Variants in MYOCD observed in about 807,000 individuals in gnomAD.
The protein encoded by MYOCD is myocardin.
Under a neutral mutation model 96.1 loss-of-function variants are expected in MYOCD, and 32 were observed. That is an observed-to-expected ratio of 0.33 (90% CI 0.25 to 0.45). MYOCD has a LOEUF of 0.45. Among genes scored for constraint, MYOCD ranks in the 20% least tolerant of loss-of-function variants. The pLI, the probability that MYOCD is intolerant of heterozygous loss-of-function variation, is 1.00. For synonymous variants in MYOCD, 469 were observed against 469.0 expected (o/e 1.00, Z 0.00); for missense variants, 1,133 against 1,200.6 (o/e 0.94, Z 0.83).
chr17:12,742,929 A>G lies in MYOCD; in HGVS notation c.718-1254A>G, dbSNP rs77394927. 6.4e-3 allele frequency among the ~76,000 whole-genome samples: 974 copies of G among 152,228 alleles called. 16 individuals carry two copies. Among genetic ancestry groups the G allele is most frequent in the East Asian group, 0.038 (194 of 5,162 alleles). On this transcript the variant is annotated intron_variant, in intron 7 of 13. Transcript: ENST00000425538. ...ATGGACCCATTCCTTCCTAATATAC[A>G]AAGGTCTTTTATTTCAGGAGCAGGT... is the stretch of plus-strand genomic sequence containing the variant.
At position 12,760,658 on chromosome 17, in the gene MYOCD, C is replaced by G. The variant is rs1464241946; in HGVS notation, c.2340C>G (p.Thr780=). The part of the protein sequence containing the change: ...SYEDAVKQQM[T]RSQQMDELLD... Reference sequence around the variant, plus strand: ...TGGTTAATTTGTAATAGCAAATGACCCGGAGTCAGCAGATGGATGAACTCC... The same window carrying G: ...TGGTTAATTTGTAATAGCAAATGACGCGGAGTCAGCAGATGGATGAACTCC... Residue 780 remains threonine, a synonymous_variant, in exon 13 of 14, where the codon ACC becomes ACG. Coordinates refer to ENST00000425538, the MANE Select transcript of MYOCD (RefSeq NM_001146312.3). The G allele has an allele frequency of 6.2e-7, 1 of 1,613,646 alleles. No individual in the cohort carries two copies. The highest frequency in any genetic ancestry group is 8.5e-7 in the Non-Finnish European group (1 of 1,179,730).
At chr17:12,686,146 G>A (rs1326672759) in intron 1 of MYOCD, among the ~76,000 whole-genome samples, 1 of 152,156 alleles carries the variant, frequency 6.6e-6, no homozygotes, top group Admixed American at 6.5e-5. Context: ...GGAAAAACTT[G>A]AGATTAAGAG....
chr17:12,753,301 G>A lies in MYOCD; in HGVS notation c.2013G>A (p.Gly671=). 1 of 1,611,636 alleles carries A rather than the reference G, an allele frequency of 6.2e-7. No homozygotes were observed. Among genetic ancestry groups the A allele is most frequent in the Admixed American group, 1.7e-5 (1 of 59,848 alleles). ...LPSSSGAQGE[G]HRVSSPISSQ... ...CATCCTCCGGGGCCCAGGGAGAAGG[G>A]CACAGGGTCTCCTCGCCCATCAGCA... Residue 671 remains glycine (G), a synonymous_variant, in exon 10 of 14, where the codon GGG becomes GGA. Transcript: ENST00000425538.
At chr17:12,748,736 T>C (rs2150715402) in intron 9 of MYOCD, among the ~76,000 whole-genome samples, 1 of 152,288 alleles carries the variant, frequency 6.6e-6, no homozygotes, top group East Asian at 1.9e-4. Flanking sequence ...TAAAAATAAA[T>C]GTAGAACTCA....
chr17:12,715,355 G>A (rs2031607237), intron 2 of MYOCD, among the ~76,000 whole-genome samples, 164 bp from the exon 3 acceptor site: 1 of 152,004 alleles, frequency 6.6e-6, no homozygotes, highest in Non-Finnish European at 1.5e-5. Flanking sequence ...ACGGCTTCAG[G>A]GCCGCTGGTG....
intron 2 of MYOCD, among the ~76,000 whole-genome samples, chr17:12,711,145 A>G (rs2031470169): frequency 6.6e-6 from 1 of 152,194 alleles, no homozygotes; most frequent in South Asian, 2.1e-4. Context: ...ATTTATTTCC[A>G]AGCATAAAAG....
chr17:12,758,228 T>C lies in MYOCD; in HGVS notation c.2331+15T>C. 1 of 1,614,132 alleles carries C rather than the reference T, an allele frequency of 6.2e-7. No individual in the cohort carries two copies. Among genetic ancestry groups the C allele is most frequent in the Non-Finnish European group, 8.5e-7 (1 of 1,179,958 alleles). On this transcript the variant is annotated intron_variant, in intron 12 of 13. Transcript: ENST00000425538. ...CCGTAAAGCAGGTAACCATGTGATTTGTTCTTTATGGAAGAATAGACTGAC... is the reference window on the plus strand; with the variant it reads ...CCGTAAAGCAGGTAACCATGTGATTCGTTCTTTATGGAAGAATAGACTGAC...
At chr17:12,760,881 G>A (rs1337755856) in intron 13 of MYOCD, 174 bp downstream of exon 13, 1 of 587,546 alleles carries the variant, frequency 1.7e-6, no homozygotes, top group East Asian at 2.8e-5. Context: ...ATAAAAGAAG[G>A]CTTAGTGGAT....
chr17:12,748,177 AAC>A (rs1163747465), intron 9 of MYOCD, among the ~76,000 whole-genome samples: 76 of 148,912 alleles, frequency 5.1e-4, no homozygotes, highest in African/African-American at 1.6e-3. Flanking sequence ...AAAAAAAAAA[AAC>A]AAAAAAACAA....
Position 12,744,173 on chromosome 17 carries a change from T to C in MYOCD, c.718-10T>C, listed in dbSNP as rs12709295. On this transcript the variant is annotated splice_polypyrimidine_tract_variant and intron_variant, in intron 7 of 13. Transcript: ENST00000425538. ...CTAAAGCACATGCAATTTCCTCATC[T>C]TCTTTGCAGTCCAAATCCTTGGGTG... is the stretch of plus-strand genomic sequence containing the variant. 1,344,017 of 1,612,934 alleles carry C rather than the reference T, an allele frequency of 0.83. 562,590 individuals are homozygous for C. Among genetic ancestry groups the C allele is most frequent in the Non-Finnish European group, 0.86 (1,009,904 of 1,179,420 alleles).
chr17:12,760,580 C>T, intron 12 of MYOCD, 70 bp from the exon 13 acceptor site: 3 of 1,307,730 alleles, frequency 2.3e-6, no homozygotes, highest in Non-Finnish European at 3.3e-6. Context: ...TGCAGTGCTG[C>T]TTCTAATGAT....
chr17:12,712,914 A>G lies in MYOCD; in HGVS notation c.122-2605A>G, dbSNP rs77980499. Among the ~76,000 whole-genome samples the G allele has an allele frequency of 4.7e-4, 72 of 152,292 alleles. No individual in the cohort carries two copies. In the East Asian group the frequency reaches 0.01, roughly 22 times the overall value. On this transcript the variant is annotated intron_variant, in intron 2 of 13. Coordinates refer to ENST00000425538, the MANE Select transcript of MYOCD (RefSeq NM_001146312.3). Reference sequence around the variant, plus strand: ...AGAAGTGGTTTTTTGTGTATTTTCCAAAAACCCAACTGAGAGGTGGGGGGC... The same window carrying G: ...AGAAGTGGTTTTTTGTGTATTTTCCGAAAACCCAACTGAGAGGTGGGGGGC...
chr17:12,716,098 C>A (rs2031631476), intron 3 of MYOCD, among the ~76,000 whole-genome samples: 1 of 152,146 alleles, frequency 6.6e-6, no homozygotes, highest in African/African-American at 2.4e-5. Context: ...ATCTCTGCAA[C>A]TTGAATTTGT....
At chr17:12,672,989 G>C (rs761249874) in intron 1 of MYOCD, among the ~76,000 whole-genome samples, 1 of 152,104 alleles carries the variant, frequency 6.6e-6, no homozygotes, top group Non-Finnish European at 1.5e-5. Flanking sequence ...TGGTACGAAA[G>C]CATCAAATTA....
rs1288112686 is a variant in MYOCD at position 12,766,030 on chromosome 17, G to A, written c.*2386G>A. On this transcript the variant is annotated 3_prime_UTR_variant, in exon 14 of 14. Transcript: ENST00000425538. ...TGTTTCCTTTGAAGATGAAGCTACT[G>A]GGGAAGAAAACCTTATTAATACACT... is the stretch of plus-strand genomic sequence containing the variant. The A allele has an allele frequency of 2.0e-5, 3 of 152,152 alleles. No homozygotes were observed. Among genetic ancestry groups the A allele is most frequent in the Non-Finnish European group, 4.4e-5 (3 of 68,020 alleles). 9.4% of individuals were successfully genotyped at this position (152,152 alleles called of 1,614,324 possible).
chr17:12,752,176 A>G (rs1331119828), intron 9 of MYOCD, among the ~76,000 whole-genome samples: 1 of 152,186 alleles, frequency 6.6e-6, no homozygotes, highest in Non-Finnish European at 1.5e-5. Flanking sequence ...TTCAAGCTCT[A>G]CATTTCTATG....
At chr17:12,678,742 C>T (rs1312272345) in intron 1 of MYOCD, among the ~76,000 whole-genome samples, 1 of 152,108 alleles carries the variant, frequency 6.6e-6, no homozygotes, top group Non-Finnish European at 1.5e-5. Context: ...GTCACCCAGG[C>T]TGGAGTGCAG....
intron 1 of MYOCD, among the ~76,000 whole-genome samples, chr17:12,690,731 G>C (rs1325725869): frequency 6.6e-6 from 1 of 152,152 alleles, no homozygotes; most frequent in African/African-American, 2.4e-5. Context: ...TCTCCAGGAA[G>C]GGGACGAGGG....
intron 2 of MYOCD, among the ~76,000 whole-genome samples, chr17:12,708,829 C>G (rs962019013): frequency 2.6e-5 from 4 of 152,168 alleles, no homozygotes; most frequent in African/African-American, 9.6e-5. Context: ...AGGCCAGAAC[C>G]TGTGTCTCCT....
Sources: allele counts gnomAD v4.1 joint callset (sites outside exome capture counted in the v4.1 genomes callset), GRCh38; gene constraint gnomAD v4.1.1; transcripts MANE v1.5; gene names NCBI Gene and HGNC (gene_info 2026-07-23, HGNC 2026-07-21).